Variants in DRAXIN observed in about 807,000 individuals in gnomAD.
The protein encoded by DRAXIN is dorsal repulsive axon guidance protein.
A neutral mutation model predicts 33.9 loss-of-function variants in DRAXIN; 27 were observed. The ratio of observed to expected loss-of-function variants is 0.80; its 90% CI spans 0.59 to 1.10. The LOEUF (loss-of-function observed/expected upper bound fraction) is 1.10. DRAXIN is among the 50% of genes least tolerant of loss of function. The pLI, the probability that DRAXIN is intolerant of heterozygous loss-of-function variation, is 0.00. For missense variants in DRAXIN, 371 were observed against 460.8 expected (o/e 0.81, Z 1.78); for synonymous variants, 178 against 194.0 (o/e 0.92, Z 0.69).
chr1:11,693,237 C>T (rs1010585130), intron 1 of DRAXIN, among the ~76,000 whole-genome samples: 1 of 152,032 alleles, frequency 6.6e-6, no homozygotes, highest in African/African-American at 2.4e-5. Flanking sequence ...ATCAGTGTGG[C>T]TGAGCTGGTG....
intron 1 of DRAXIN, among the ~76,000 whole-genome samples, chr1:11,693,407 T>G (rs947665475): frequency 6.6e-6 from 1 of 152,052 alleles, no homozygotes; most frequent in Admixed American, 6.6e-5. Flanking sequence ...GCTGTGTGCT[T>G]GCCCAAGCCC....
chr1:11,705,187 G>A lies in DRAXIN; in HGVS notation c.-10-1062G>A, dbSNP rs1431415058. Among the ~76,000 whole-genome samples, 1 of 152,206 alleles carries A rather than the reference G, an allele frequency of 6.6e-6. No individual in the cohort carries two copies. The highest frequency in any genetic ancestry group is 1.5e-5 in the Non-Finnish European group (1 of 68,024). ...CCTTGCCAGCCTAGTGGAATACTCG[G>A]GAGGCCATAAAAATTCAATTAGCCT... On this transcript the variant is annotated intron_variant, in intron 1 of 6. Coordinates refer to ENST00000294485, the MANE Select transcript of DRAXIN (RefSeq NM_198545.4). This position sits in a 1 kb window ranked among gnomAD's most constrained non-coding sequence, Gnocchi z 4.8.
Position 11,705,691 on chromosome 1 carries a change from C to T in DRAXIN, c.-10-558C>T, listed in dbSNP as rs1470773684. On this transcript the variant is annotated intron_variant, in intron 1 of 6. Transcript: ENST00000294485. This position sits in a 1 kb window ranked among gnomAD's most constrained non-coding sequence, Gnocchi z 4.8. ...AGAAAAATGGGGAAAATAACAGGAG[C>T]CATTTCAGAGAGCTCTTGAAAGGGC... is the stretch of plus-strand genomic sequence containing the variant. Among the ~76,000 whole-genome samples the T allele has an allele frequency of 6.6e-6, 1 of 152,140 alleles. No homozygotes were observed. The highest frequency in any genetic ancestry group is 1.9e-4 in the East Asian group (1 of 5,196).
Position 11,725,333 on chromosome 1 carries a change from A to AC in DRAXIN, c.*5638dup, listed in dbSNP as rs1641729445. 1 of 152,166 alleles carries AC rather than the reference A, an allele frequency of 6.6e-6. No individual in the cohort carries two copies. Among genetic ancestry groups the AC allele is most frequent in the South Asian group, 2.1e-4 (1 of 4,842 alleles). 9.4% of individuals were successfully genotyped at this position (152,166 alleles called of 1,614,324 possible). On this transcript the variant is annotated 3_prime_UTR_variant, in exon 7 of 7. Coordinates refer to ENST00000294485, the MANE Select transcript of DRAXIN (RefSeq NM_198545.4). Reference sequence around the variant, plus strand: ...CTTGTCTCAAAAAAAGACAAAAAAAACAAAAAGAAATGTAGATTCTTGGGC... The same window carrying AC: ...CTTGTCTCAAAAAAAGACAAAAAAAACCAAAAAGAAATGTAGATTCTTGGGC...
Position 11,696,384 on chromosome 1 carries a change from G to A in DRAXIN, c.-11+4531G>A, listed in dbSNP as rs1292243021. 1.3e-5 allele frequency among the ~76,000 whole-genome samples: 2 copies of A among 152,094 alleles called. No homozygotes were observed. Among genetic ancestry groups the A allele is most frequent in the Non-Finnish European group, 2.9e-5 (2 of 68,028 alleles). ...AGGCGGATCATGAGGTCAGGAGTTC[G>A]AGACCAGCCTGGCCAAGGTGGTAAA... is the stretch of plus-strand genomic sequence containing the variant. On this transcript the variant is annotated intron_variant, in intron 1 of 6. Transcript: ENST00000294485. This position sits in a 1 kb window ranked among gnomAD's most constrained non-coding sequence, Gnocchi z 4.7.
chr1:11,691,110 G>C (rs1019020535), upstream of DRAXIN, among the ~76,000 whole-genome samples: 3 of 152,118 alleles, frequency 2.0e-5, no homozygotes, highest in Admixed American at 1.3e-4. Flanking sequence ...TGCCCACTCT[G>C]CGCACTTTCT....
rs906470997 is a variant in DRAXIN at position 11,725,619 on chromosome 1, G to A, written c.*5923G>A. ...CAATGACAAACTCCCAGGCTCTGAG[G>A]CCCAAGCCTCCTGGGCTGCAACTGG... On this transcript the variant is annotated 3_prime_UTR_variant, in exon 7 of 7. Transcript: ENST00000294485. The A allele has an allele frequency of 6.6e-6, 1 of 152,244 alleles. No homozygotes were observed. Among genetic ancestry groups the A allele is most frequent in the Non-Finnish European group, 1.5e-5 (1 of 68,062 alleles). The allele number at this position is 152,244 out of a possible 1,614,324, so 9.4% of individuals were successfully genotyped here. A position where few individuals can be genotyped will look rare whatever the true frequency, so the allele number is the denominator to read the frequency against.
chr1:11,693,540 C>T (rs1397115415), intron 1 of DRAXIN, among the ~76,000 whole-genome samples: 3 of 152,166 alleles, frequency 2.0e-5, no homozygotes, highest in Non-Finnish European at 2.9e-5. Context: ...CTGGCAGGTT[C>T]CAGGCTCCCC....
At chr1:11,709,838 C>T (rs910907939) in intron 3 of DRAXIN, among the ~76,000 whole-genome samples, 2 of 152,168 alleles carry the variant, frequency 1.3e-5, no homozygotes, top group African/African-American at 4.8e-5. Flanking sequence ...GTCGTCAAGA[C>T]CCAGAATTAA....
chr1:11,712,957 T>C (rs987121554), intron 5 of DRAXIN, among the ~76,000 whole-genome samples: 2 of 150,586 alleles, frequency 1.3e-5, no homozygotes, highest in Non-Finnish European at 2.9e-5. Context: ...CCCAGCACTT[T>C]GGGAGGCCGA....
Position 11,692,494 on chromosome 1 carries a change from C to G in DRAXIN, c.-11+641C>G, listed in dbSNP as rs527426426. On this transcript the variant is annotated intron_variant, in intron 1 of 6. Transcript: ENST00000294485. This position sits in a 1 kb window ranked among gnomAD's most constrained non-coding sequence, Gnocchi z 5.8. ...GCCTGGCTCCCCCGACGGCGCTGGT[C>G]TTTCGCCTGTGGTCTCCCGCTCTGT... Among the ~76,000 whole-genome samples, 11 of 152,326 alleles carry G rather than the reference C, an allele frequency of 7.2e-5. No homozygotes were observed. In the East Asian group the frequency reaches 2.1e-3, roughly 29 times the overall value.
intron 1 of DRAXIN, among the ~76,000 whole-genome samples, chr1:11,693,523 C>T (rs2100727706): frequency 6.6e-6 from 1 of 152,296 alleles, no homozygotes; most frequent in South Asian, 2.1e-4. Context: ...AGAGGGAAAC[C>T]TCCCAGCTGG....
At chr1:11,687,113 T>G (rs1640971730), upstream of DRAXIN, among the ~76,000 whole-genome samples, 1 of 152,202 alleles carries the variant, frequency 6.6e-6, no homozygotes, top group Non-Finnish European at 1.5e-5. The surrounding 1 kb of genome is among the most constrained non-coding windows in gnomAD (Gnocchi z 4.1). Context: ...TCATCTAGGC[T>G]GGAGTGCAGT....
At chr1:11,712,871 C>G (rs1303406077) in intron 5 of DRAXIN, among the ~76,000 whole-genome samples, 1 of 150,828 alleles carries the variant, frequency 6.6e-6, no homozygotes, top group Non-Finnish European at 1.5e-5. Flanking sequence ...CAACTGCACT[C>G]CAGCCTGGGC....
At position 11,722,724 on chromosome 1, in the gene DRAXIN, G is replaced by T. The variant is rs7533583; in HGVS notation, c.*3028G>T. On this transcript the variant is annotated 3_prime_UTR_variant, in exon 7 of 7. Transcript: ENST00000294485. ...TGCCGTAGCTCGAAGCAGCCACAGA[G>T]AGTGTGTAAATGAATTCATGGCTAT... 2.6e-5 allele frequency: 4 copies of T among 154,282 alleles called. No individual in the cohort carries two copies. The East Asian group carries it at 7.7e-4, about 30-fold the overall frequency. The allele number at this position is 154,282 out of a possible 1,614,324, so 9.6% of individuals were successfully genotyped here.
chr1:11,710,773 A>C (rs1641477364), intron 3 of DRAXIN, among the ~76,000 whole-genome samples: 1 of 150,288 alleles, frequency 6.7e-6, no homozygotes, highest in African/African-American at 2.5e-5. Context: ...AAAAAAAAAA[A>C]ATAGCCGGGC....
rs1385607783 is a variant in DRAXIN, at chr1:11,704,879, G to A, written c.-10-1370G>A. ...CCAGGACATGCCAGGCTGGGATGGA[G>A]GCAGAACTGGGTGAAGCCACCACAG... is the stretch of plus-strand genomic sequence containing the variant. On this transcript the variant is annotated intron_variant, in intron 1 of 6. Transcript: ENST00000294485. This position sits in a 1 kb window ranked among gnomAD's most constrained non-coding sequence, Gnocchi z 4.6. 6.6e-6 allele frequency among the ~76,000 whole-genome samples: 1 copy of A among 152,230 alleles called. No individual in the cohort carries two copies. Among genetic ancestry groups the A allele is most frequent in the Non-Finnish European group, 1.5e-5 (1 of 68,042 alleles).
chr1:11,689,053 T>A (rs1304908325), upstream of DRAXIN, among the ~76,000 whole-genome samples: 1 of 152,096 alleles, frequency 6.6e-6, no homozygotes. Context: ...CCTAGCACTT[T>A]GGGAGGCCAA....
rs1352069363 is a variant in DRAXIN at position 11,694,226 on chromosome 1, G to T, written c.-11+2373G>T. On this transcript the variant is annotated intron_variant, in intron 1 of 6. Coordinates refer to ENST00000294485, the MANE Select transcript of DRAXIN (RefSeq NM_198545.4). This position sits in a 1 kb window ranked among gnomAD's most constrained non-coding sequence, Gnocchi z 4.9. ...GTGCCTGGCACGCAGTAGGGGCTCT[G>T]TGCACACCTGTTATATTGAATGTGA... 6.6e-6 allele frequency among the ~76,000 whole-genome samples: 1 copy of T among 152,108 alleles called. No individual in the cohort carries two copies. The highest frequency in any genetic ancestry group is 1.5e-5 in the Non-Finnish European group (1 of 68,012).
Sources: gnomAD v4.1 joint callset for allele counts (sites outside exome capture counted in the v4.1 genomes callset) on GRCh38, gnomAD v4.1.1 for gene constraint, Gnocchi (gnomAD v3.1) non-coding constraint, MANE v1.5 for transcripts, NCBI Gene and HGNC (gene_info 2026-07-23, HGNC 2026-07-21) for gene names.